The following LHFPL3 variants were observed in gnomAD, a reference collection of about 807,000 sequenced individuals.
LHFPL3 encodes the protein LHFPL tetraspan subfamily member 3 protein.
In LHFPL3, 5 loss-of-function variants were observed where a neutral mutation model predicts 19.3. The ratio of observed to expected loss-of-function variants is 0.26; its 90% confidence interval spans 0.14 to 0.54. The LOEUF is 0.54. Among genes scored for constraint, LHFPL3 ranks in the 20% least tolerant of loss-of-function variants. The probability of loss-of-function intolerance (pLI) is 0.94; values close to 1 mark genes in which losing one functional copy is unlikely to be tolerated. For missense variants in LHFPL3, 249 were observed against 307.4 expected (o/e 0.81, Z 1.42); for synonymous variants, 133 against 126.2 (o/e 1.05, Z -0.36).
At position 104,751,283 on chromosome 7, in the gene LHFPL3, A is replaced by C. The variant is rs1011309423; in HGVS notation, c.682+14372A>C. ...GACCTTACAGGCTTTTTCATCGGCA[A>C]TTGACTTTTGAGCAACATCTTGGAG... On this transcript the variant is annotated intron_variant, in intron 2 of 2. Transcript: ENST00000424859. Among the ~76,000 whole-genome samples the C allele has an allele frequency of 3.1e-4, 46 of 150,282 alleles. 2 individuals carry two copies. In the South Asian group the frequency reaches 9.0e-3, roughly 29 times the overall value.
chr7:104,718,773 C>G (rs1793436970), intron 1 of LHFPL3, among the ~76,000 whole-genome samples: 1 of 151,986 alleles, frequency 6.6e-6, no homozygotes, highest in African/African-American at 2.4e-5. Flanking sequence ...AGTAGGTAAC[C>G]ACTCAATAAT....
intron 2 of LHFPL3, among the ~76,000 whole-genome samples, chr7:104,772,793 T>C (rs1794575968): frequency 6.6e-6 from 1 of 152,262 alleles, no homozygotes; most frequent in Admixed American, 6.5e-5. Flanking sequence ...GCAAACTGCA[T>C]GCTCAATGGG....
intron 2 of LHFPL3, among the ~76,000 whole-genome samples, chr7:104,882,717 G>A (rs778558105): frequency 9.2e-5 from 14 of 152,172 alleles, no homozygotes; most frequent in Non-Finnish European, 1.9e-4. Flanking sequence ...AGTGGTGATA[G>A]TTGTACAACT....
intron 1 of LHFPL3, among the ~76,000 whole-genome samples, chr7:104,412,940 A>C (rs1328567986): frequency 6.6e-6 from 1 of 152,126 alleles, no homozygotes; most frequent in African/African-American, 2.4e-5. Context: ...TTTACAAGGA[A>C]ATTTGAACCA....
intron 1 of LHFPL3, among the ~76,000 whole-genome samples, chr7:104,682,202 A>G (rs1425682222): frequency 1.3e-5 from 2 of 152,144 alleles, no homozygotes; most frequent in African/African-American, 4.8e-5. Context: ...TTCATTTTCA[A>G]TAGTCAAAAA....
At chr7:104,494,746 G>C (rs1793425476) in intron 1 of LHFPL3, among the ~76,000 whole-genome samples, 1 of 152,112 alleles carries the variant, frequency 6.6e-6, no homozygotes, top group African/African-American at 2.4e-5. Flanking sequence ...AGAATTCCAA[G>C]GCTTAGGTGG....
chr7:104,368,733 G>C (rs1013516769), intron 1 of LHFPL3, among the ~76,000 whole-genome samples: 1 of 149,710 alleles, frequency 6.7e-6, no homozygotes, highest in African/African-American at 2.5e-5. Flanking sequence ...ACAATTTTGT[G>C]GTTTCCATGT....
chr7:104,544,641 G>A (rs1794546612), intron 1 of LHFPL3, among the ~76,000 whole-genome samples: 1 of 152,168 alleles, frequency 6.6e-6, no homozygotes, highest in Non-Finnish European at 1.5e-5. Context: ...AAGATAGAAA[G>A]AGTCCATCCC....
At chr7:104,681,498 T>G (rs1792702223) in intron 1 of LHFPL3, among the ~76,000 whole-genome samples, 2 of 151,950 alleles carry the variant, frequency 1.3e-5, no homozygotes, top group African/African-American at 4.8e-5. Flanking sequence ...GGTGGGTGCC[T>G]GTAATCCCAG....
At chr7:104,470,426 T>C (rs1012197325) in intron 1 of LHFPL3, among the ~76,000 whole-genome samples, 2 of 152,334 alleles carry the variant, frequency 1.3e-5, no homozygotes, top group East Asian at 3.9e-4. Flanking sequence ...TGTAACAGGA[T>C]TTTAAAGCAT....
At chr7:104,460,851 C>G (rs930846972) in intron 1 of LHFPL3, among the ~76,000 whole-genome samples, 1 of 152,098 alleles carries the variant, frequency 6.6e-6, no homozygotes. Context: ...GTTTAATTAG[C>G]TCCTGTTTGT....
At chr7:104,356,403 T>G (rs1378383406) in intron 1 of LHFPL3, among the ~76,000 whole-genome samples, 1 of 152,224 alleles carries the variant, frequency 6.6e-6, no homozygotes, top group Non-Finnish European at 1.5e-5. Context: ...ATCAAGGGCA[T>G]GGAAAGATAA....
At chr7:104,578,688 G>C (rs186651866) in intron 1 of LHFPL3, among the ~76,000 whole-genome samples, 52 of 152,160 alleles carry the variant, frequency 3.4e-4, no homozygotes, top group Non-Finnish European at 6.6e-4. Context: ...GTGATAGATT[G>C]TGCTTGACAG....
chr7:104,625,309 T>C lies in LHFPL3; in HGVS notation c.446-111366T>C, dbSNP rs998459845. Among the ~76,000 whole-genome samples the C allele has an allele frequency of 4.6e-5, 7 of 152,366 alleles. No homozygotes were observed. In the East Asian group the frequency reaches 1.2e-3, roughly 25 times the overall value. On this transcript the variant is annotated intron_variant, in intron 1 of 2. Transcript: ENST00000424859. ...TTCATTCAAAAACAATGACTGTAAT[T>C]ACATTTGGCATTTTGGGTCCTATCA...
chr7:104,842,225 G>A (rs1339826912), intron 2 of LHFPL3, among the ~76,000 whole-genome samples: 2 of 129,456 alleles, frequency 1.5e-5, no homozygotes, highest in African/African-American at 5.8e-5. Flanking sequence ...GTTAAGCATA[G>A]CACGGCAAAA....
At chr7:104,659,564 G>A (rs1792185125) in intron 1 of LHFPL3, among the ~76,000 whole-genome samples, 1 of 152,144 alleles carries the variant, frequency 6.6e-6, no homozygotes, top group Non-Finnish European at 1.5e-5. Flanking sequence ...AATACACAGT[G>A]ATGGGGGAAT....
In LHFPL3 at chr7:104,774,297, G is replaced by C. The variant is rs77697052; in HGVS notation, c.682+37386G>C. On this transcript the variant is annotated intron_variant, in intron 2 of 2. Transcript: ENST00000424859. ...TGATAGCTAAATTTGTCTAACACTC[G>C]CTCTGTTCCAGGCATGGTTCTAAGT... is the stretch of plus-strand genomic sequence containing the variant. Among the ~76,000 whole-genome samples the C allele has an allele frequency of 2.0e-3, 303 of 152,254 alleles. 2 individuals are homozygous for C. The highest frequency in any genetic ancestry group is 7.0e-3 in the African/African-American group (289 of 41,532).
At chr7:104,460,386 A>C (rs1554396705) in intron 1 of LHFPL3, among the ~76,000 whole-genome samples, 3 of 152,158 alleles carry the variant, frequency 2.0e-5, no homozygotes, top group Non-Finnish European at 4.4e-5. Context: ...TTGCTGGGTC[A>C]AGTAGTAGTT....
At chr7:104,685,042 T>C (rs1792779442) in intron 1 of LHFPL3, among the ~76,000 whole-genome samples, 1 of 152,204 alleles carries the variant, frequency 6.6e-6, no homozygotes, top group Non-Finnish European at 1.5e-5. Context: ...TAAGTTGTCT[T>C]TCCTTCTCAA....
Sources: gnomAD v4.1 joint callset for allele counts (sites outside exome capture counted in the v4.1 genomes callset) on GRCh38, gnomAD v4.1.1 for gene constraint, MANE v1.5 for transcripts, NCBI Gene and HGNC (gene_info 2026-07-23, HGNC 2026-07-21) for gene names.